GNG2: variants seen among roughly 807,000 people sequenced by gnomAD.
GNG2 encodes G protein subunit gamma 2.
Under a neutral mutation model 5.5 loss-of-function variants are expected in GNG2, and 5 were observed. That is an observed-to-expected ratio of 0.91 (90% CI 0.48 to 1.92). GNG2 has a LOEUF of 1.92. GNG2 is among the 30% of genes most tolerant of loss of function. GNG2 has a pLI of 0.01. For missense variants in GNG2, 55 were observed against 88.4 expected, an observed-to-expected ratio of 0.62 and a Z score of 1.52; for synonymous variants, 28 against 32.0, an observed-to-expected ratio of 0.88 and a Z score of 0.42.
chr14:51,963,498 GA>G (rs1889731947), intron 3 of GNG2, among the ~76,000 whole-genome samples: 1 of 152,206 alleles, frequency 6.6e-6, no homozygotes, highest in South Asian at 2.1e-4. Context: ...AAAGAATGAA[GA>G]AAAAAAGTGA....
intron 2 of GNG2, among the ~76,000 whole-genome samples, chr14:51,828,060 C>T (rs1400824004): frequency 2.0e-5 from 3 of 152,178 alleles, no homozygotes; most frequent in East Asian, 3.9e-4. Flanking sequence ...GGATGAGAGG[C>T]CTCGGTAGAA....
At chr14:51,850,789 G>C (rs2140086881) in intron 2 of GNG2, among the ~76,000 whole-genome samples, 1 of 152,134 alleles carries the variant, frequency 6.6e-6, no homozygotes, top group African/African-American at 2.4e-5. Context: ...GCAGGAGCAA[G>C]AGAGAGAGAG....
chr14:51,880,017 CT>C (rs1883936923), intron 2 of GNG2, among the ~76,000 whole-genome samples: 1 of 152,176 alleles, frequency 6.6e-6, no homozygotes, highest in African/African-American at 2.4e-5. Flanking sequence ...AGGTTTCCAA[CT>C]TTGATGAAGC....
intron 2 of GNG2, among the ~76,000 whole-genome samples, chr14:51,937,145 G>C (rs1278422398): frequency 6.6e-6 from 1 of 152,074 alleles, no homozygotes; most frequent in Non-Finnish European, 1.5e-5. Flanking sequence ...AGGGATATTG[G>C]CATAGCAATT....
At chr14:51,955,688 CAAATT>C (rs1189617475) in intron 3 of GNG2, among the ~76,000 whole-genome samples, 1 of 152,040 alleles carries the variant, frequency 6.6e-6, no homozygotes, top group Non-Finnish European at 1.5e-5. Context: ...ATGGGGAAGT[CAAATT>C]AAATATTTTT....
In GNG2 at chr14:51,867,620, C is replaced by T. The variant is rs142282834; in HGVS notation, c.-71+6830C>T. Reference sequence around the variant, plus strand: ...GGTGTCTTAGTTGAGGCCCTCCTAACCTCCAGCTGGGCTGACTTGTTTTTT... The same window carrying T: ...GGTGTCTTAGTTGAGGCCCTCCTAATCTCCAGCTGGGCTGACTTGTTTTTT... On this transcript the variant is annotated intron_variant, in intron 1 of 3. Coordinates refer to ENST00000556766, the MANE Select transcript of GNG2 (RefSeq NM_053064.5). Among the ~76,000 whole-genome samples the T allele has an allele frequency of 4.3e-3, 655 of 152,278 alleles. 4 individuals carry two copies. Among genetic ancestry groups the T allele is most frequent in the Middle Eastern group, 0.014 (4 of 294 alleles).
intron 2 of GNG2, among the ~76,000 whole-genome samples, chr14:51,932,829 G>A (rs1340735367): frequency 2.0e-5 from 3 of 151,178 alleles, no homozygotes; most frequent in African/African-American, 7.3e-5. Context: ...AAGGAAAAAG[G>A]ATGTTTGCAG....
chr14:51,912,671 G>A (rs755048570), intron 2 of GNG2, among the ~76,000 whole-genome samples: 1 of 152,204 alleles, frequency 6.6e-6, no homozygotes, highest in Non-Finnish European at 1.5e-5. Context: ...TCTCGAGAGA[G>A]CTATTCCCTA....
At chr14:51,940,379 G>T (rs902465402) in intron 2 of GNG2, 1 of 152,284 alleles carries the variant, frequency 6.6e-6, no homozygotes, top group African/African-American at 2.4e-5. Context: ...CAAACTTGGG[G>T]GGGCTCAAGA....
At chr14:51,946,642 A>G (rs146824050) in intron 2 of GNG2, among the ~76,000 whole-genome samples, 248 of 152,184 alleles carry the variant, frequency 1.6e-3, no homozygotes, top group African/African-American at 5.8e-3. Context: ...CACCAACACT[A>G]GATGCCATTG....
intron 3 of GNG2, among the ~76,000 whole-genome samples, chr14:51,958,319 G>T (rs1488024183): frequency 6.6e-6 from 1 of 151,804 alleles, no homozygotes; most frequent in Non-Finnish European, 1.5e-5. Flanking sequence ...ATGGTATTTA[G>T]AAACCAAGAT....
intron 2 of GNG2, among the ~76,000 whole-genome samples, chr14:51,855,293 C>T (rs1000710138): frequency 1.2e-4 from 19 of 152,104 alleles, no homozygotes; most frequent in Non-Finnish European, 2.4e-4. Context: ...CGTGCTGGGC[C>T]GTGAGACAGA....
intron 3 of GNG2, among the ~76,000 whole-genome samples, chr14:51,957,601 C>T (rs1421261291): frequency 6.6e-6 from 1 of 152,182 alleles, no homozygotes; most frequent in Non-Finnish European, 1.5e-5. Flanking sequence ...TCTACATACT[C>T]ATAATACAAT....
At chr14:51,958,445 C>G (rs1372427072) in intron 3 of GNG2, among the ~76,000 whole-genome samples, 1 of 144,432 alleles carries the variant, frequency 6.9e-6, no homozygotes, top group East Asian at 2.2e-4. Context: ...CCGTTCCCCC[C>G]CCCCATTTAT....
At chr14:51,944,268 T>C (rs1348978272) in intron 2 of GNG2, among the ~76,000 whole-genome samples, 2 of 152,194 alleles carry the variant, frequency 1.3e-5, no homozygotes, top group Non-Finnish European at 2.9e-5. Context: ...TCTCTCACAG[T>C]TCTAAAGGCT....
At chr14:51,942,382 T>A (rs1888368363) in intron 2 of GNG2, among the ~76,000 whole-genome samples, 1 of 152,008 alleles carries the variant, frequency 6.6e-6, no homozygotes, top group Non-Finnish European at 1.5e-5. Context: ...TCTCCACTTC[T>A]GCACACTAAC....
intron 2 of GNG2, among the ~76,000 whole-genome samples, chr14:51,927,695 C>T (rs1887412020): frequency 1.3e-5 from 2 of 152,138 alleles, no homozygotes; most frequent in Non-Finnish European, 2.9e-5. Context: ...AGCCTGAAAT[C>T]GTTTGATGAC....
chr14:51,835,703 T>C (rs2140073282), intron 2 of GNG2, among the ~76,000 whole-genome samples: 1 of 152,282 alleles, frequency 6.6e-6, no homozygotes. Context: ...ACCCAAATTT[T>C]TGAGGCTCCC....
At position 51,950,729 on chromosome 14, in the gene GNG2, G is replaced by T; in HGVS notation, c.51G>T (p.Glu17Asp). Reference sequence around the variant, plus strand: ...TAGCACAAGCCAGGAAGCTGGTAGAGCAGCTTAAGATGGAAGCCAATATCG... The same window carrying T: ...TAGCACAAGCCAGGAAGCTGGTAGATCAGCTTAAGATGGAAGCCAATATCG... ...ASIAQARKLV[E>D]QLKMEANIDR... Residue 17 changes from glutamate to aspartate, a missense_variant, in exon 3 of 4, where the codon GAG becomes GAT. Glu to Asp is a conservative substitution (Grantham distance 45). Transcript: ENST00000556766. 1 of 1,611,726 alleles carries T rather than the reference G, an allele frequency of 6.2e-7. No homozygotes were observed. The highest frequency in any genetic ancestry group is 8.5e-7 in the Non-Finnish European group (1 of 1,178,998).
Sources: gnomAD v4.1 joint callset for allele counts (sites outside exome capture counted in the v4.1 genomes callset) on GRCh38, gnomAD v4.1.1 for gene constraint, MANE v1.5 for transcripts, NCBI Gene and HGNC (gene_info 2026-07-23, HGNC 2026-07-21) for gene names.